Variants in ABTB2 observed in about 807,000 individuals in gnomAD.
ABTB2 encodes ankyrin repeat and BTB/POZ domain-containing protein 2.
In ABTB2, 56 loss-of-function variants were observed where a neutral mutation model predicts 104.1. The ratio of observed to expected loss-of-function variants is 0.54; its 90% CI spans 0.43 to 0.67. The LOEUF (loss-of-function observed/expected upper bound fraction) is 0.67, where lower values mean the gene tolerates loss of function less well. Ranked by LOEUF, ABTB2 falls within the 30% of genes least tolerant of loss-of-function variation. The pLI, the probability that ABTB2 is intolerant of heterozygous loss-of-function variation, is 0.00. For missense variants in ABTB2, 1,279 were observed against 1,407.7 expected (o/e 0.91, Z 1.46); for synonymous variants, 606 against 608.2 (o/e 1.00, Z 0.05).
At chr11:34,158,567 T>C (rs1852663017) in intron 14 of ABTB2, among the ~76,000 whole-genome samples, 1 of 152,154 alleles carries the variant, frequency 6.6e-6, no homozygotes, top group South Asian at 2.1e-4. Flanking sequence ...TCCCAGCCCA[T>C]AAGGGTCAGC....
intron 1 of ABTB2, among the ~76,000 whole-genome samples, chr11:34,326,501 A>G (rs1295715776): frequency 1.3e-5 from 2 of 152,032 alleles, no homozygotes; most frequent in African/African-American, 2.4e-5. Context: ...GTGGTGGCAC[A>G]TGCCTGTAGT....
intron 1 of ABTB2, among the ~76,000 whole-genome samples, chr11:34,217,708 T>C (rs1007834840): frequency 1.3e-5 from 2 of 152,352 alleles, no homozygotes; most frequent in African/African-American, 4.8e-5. Flanking sequence ...ATGATCTGCC[T>C]GCCGCGGCCT....
At chr11:34,342,439 G>A (rs145027730) in intron 1 of ABTB2, among the ~76,000 whole-genome samples, 14 of 152,170 alleles carry the variant, frequency 9.2e-5, no homozygotes, top group African/African-American at 2.4e-4. Flanking sequence ...CATGTGCTTC[G>A]TCCCCACCCA....
chr11:34,281,570 G>A (rs1045515256), intron 1 of ABTB2, among the ~76,000 whole-genome samples: 98 of 152,146 alleles, frequency 6.4e-4, no homozygotes, highest in African/African-American at 1.9e-3. Flanking sequence ...GGGGACTCCC[G>A]CTGGGCAGGG....
chr11:34,166,982 G>A (rs1056912602), intron 7 of ABTB2, among the ~76,000 whole-genome samples: 3 of 151,966 alleles, frequency 2.0e-5, no homozygotes, highest in African/African-American at 7.2e-5. Flanking sequence ...TGCCCGACAC[G>A]AGAGAGAGAG....
chr11:34,352,585 T>C (rs1377796508), intron 1 of ABTB2, among the ~76,000 whole-genome samples: 1 of 152,238 alleles, frequency 6.6e-6, no homozygotes, highest in East Asian at 1.9e-4. Flanking sequence ...AATTGTTGAA[T>C]GAATTTACTA....
intron 1 of ABTB2, among the ~76,000 whole-genome samples, chr11:34,280,831 C>A (rs1271361762): frequency 1.3e-5 from 2 of 152,120 alleles, no homozygotes; most frequent in African/African-American, 4.8e-5. Flanking sequence ...ATTGGAGGAG[C>A]CAGAACATTA....
chr11:34,196,827 G>A (rs940799353), intron 3 of ABTB2, among the ~76,000 whole-genome samples: 1 of 152,270 alleles, frequency 6.6e-6, no homozygotes, highest in Admixed American at 6.5e-5. Flanking sequence ...TGAATGGATG[G>A]GGCAAAACAC....
chr11:34,270,400 C>T (rs575467267), intron 1 of ABTB2, among the ~76,000 whole-genome samples: 6 of 146,768 alleles, frequency 4.1e-5, no homozygotes, highest in Admixed American at 3.5e-4. Flanking sequence ...AGTGCAGTGT[C>T]ACGATCTCGG....
At chr11:34,166,947 A>C (rs1852809763) in intron 7 of ABTB2, among the ~76,000 whole-genome samples, 1 of 152,226 alleles carries the variant, frequency 6.6e-6, no homozygotes, top group Non-Finnish European at 1.5e-5. Context: ...GAGAAAGCTG[A>C]GTGGGACTGG....
At chr11:34,155,945 T>C (rs1852619336) in intron 14 of ABTB2, among the ~76,000 whole-genome samples, 2 of 152,166 alleles carry the variant, frequency 1.3e-5, no homozygotes, top group Non-Finnish European at 2.9e-5. Flanking sequence ...CTCAGTAAGG[T>C]GAGGCACCAG....
intron 1 of ABTB2, chr11:34,335,776 A>T: frequency 1.4e-6 from 2 of 1,381,720 alleles, no homozygotes; most frequent in Non-Finnish European, 2.1e-6. Context: ...AAAACCTATG[A>T]TCCCAGGAAG....
chr11:34,159,074 G>T (rs1382158864), intron 14 of ABTB2, among the ~76,000 whole-genome samples: 1 of 152,214 alleles, frequency 6.6e-6, no homozygotes, highest in Non-Finnish European at 1.5e-5. Context: ...CCTGTCCAGC[G>T]GTTAGAGCTC....
At chr11:34,339,697 G>A (rs1003262856) in intron 1 of ABTB2, among the ~76,000 whole-genome samples, 16 of 152,056 alleles carry the variant, frequency 1.1e-4, no homozygotes. Flanking sequence ...GATTCCCCCA[G>A]TTTAAACTCC....
intron 1 of ABTB2, among the ~76,000 whole-genome samples, chr11:34,205,436 A>C (rs971964983): frequency 3.3e-5 from 5 of 152,234 alleles, no homozygotes; most frequent in African/African-American, 9.6e-5. Context: ...CTTAGAAAGC[A>C]CCAGAAAAGT....
chr11:34,261,495 C>CT (rs34242736), intron 1 of ABTB2, among the ~76,000 whole-genome samples: 104 of 146,306 alleles, frequency 7.1e-4, no homozygotes, highest in Middle Eastern at 3.5e-3. Context: ...TAAAAAAGTA[C>CT]TTTTTTTTTT....
chr11:34,296,661 G>T (rs1032944195), intron 1 of ABTB2, among the ~76,000 whole-genome samples: 1 of 152,174 alleles, frequency 6.6e-6, no homozygotes. Flanking sequence ...CCAGGAAGGG[G>T]CAGAGACAGG....
intron 3 of ABTB2, among the ~76,000 whole-genome samples, chr11:34,179,019 T>C (rs1852990973): frequency 7.1e-6 from 1 of 140,532 alleles, no homozygotes; most frequent in Non-Finnish European, 1.5e-5. Context: ...GAGGTTGCAG[T>C]GAGCCAAGAT....
intron 1 of ABTB2, among the ~76,000 whole-genome samples, chr11:34,265,098 G>C (rs1435760265): frequency 6.6e-6 from 1 of 152,176 alleles, no homozygotes; most frequent in Non-Finnish European, 1.5e-5. Context: ...AGGGCAATCT[G>C]GTCTATCCTT....
Sources: allele counts gnomAD v4.1 joint callset (sites outside exome capture counted in the v4.1 genomes callset), GRCh38; gene constraint gnomAD v4.1.1; transcripts MANE v1.5; gene names NCBI Gene and HGNC (gene_info 2026-07-23, HGNC 2026-07-21).